Variants in ARHGAP26 observed in about 807,000 individuals in gnomAD.
ARHGAP26 encodes the protein Rho GTPase activating protein 26, also known as rho GTPase-activating protein 26.
ARHGAP26 carries 38 observed loss-of-function variants against 104.8 expected under a neutral mutation model. The ratio of observed to expected loss-of-function variants is 0.36; its 90% CI spans 0.28 to 0.48. The LOEUF is 0.48. ARHGAP26 is among the 20% of genes least tolerant of loss of function. The pLI is 0.99. For missense variants in ARHGAP26, 704 were observed against 947.9 expected (o/e 0.74, Z 3.38); for synonymous variants, 341 against 340.0 (o/e 1.00, Z -0.03).
intron 1 of ARHGAP26, among the ~76,000 whole-genome samples, chr5:142,813,370 A>G (rs774278084): frequency 6.6e-6 from 1 of 152,204 alleles, no homozygotes; most frequent in Non-Finnish European, 1.5e-5. Context: ...GTGGCCTGAT[A>G]GGACTTTTGT....
At chr5:143,136,209 G>A (rs963620618) in intron 19 of ARHGAP26, among the ~76,000 whole-genome samples, 36 of 152,322 alleles carry the variant, frequency 2.4e-4, no homozygotes, top group African/African-American at 7.9e-4. Flanking sequence ...GAGATCAGGA[G>A]AAAATCAGCT....
intron 13 of ARHGAP26, among the ~76,000 whole-genome samples, chr5:143,040,454 T>A (rs246667): frequency 0.22 from 33,046 of 152,110 alleles, 6,520 homozygotes; most frequent in African/African-American, 0.52. Context: ...TGGAGTATAA[T>A]CTCGTGTTTT....
intron 1 of ARHGAP26, among the ~76,000 whole-genome samples, chr5:142,826,625 C>T (rs1409194139): frequency 2.6e-5 from 4 of 152,170 alleles, no homozygotes; most frequent in South Asian, 4.1e-4. Context: ...ACCATGTTCT[C>T]TCTCACAGGA....
At chr5:142,828,202 T>C (rs60139914) in intron 1 of ARHGAP26, among the ~76,000 whole-genome samples, 4,140 of 152,324 alleles carry the variant, frequency 0.027, 120 homozygotes, top group East Asian at 0.12. Context: ...ACTCAGGGGA[T>C]GAAGTATCTG....
chr5:142,977,606 C>T (rs909242948), intron 11 of ARHGAP26, among the ~76,000 whole-genome samples: 5 of 152,068 alleles, frequency 3.3e-5, no homozygotes, highest in African/African-American at 1.2e-4. Context: ...TCAGCAGTTT[C>T]CTGGGTGAGG....
chr5:142,967,003 A>G (rs1249570605), intron 11 of ARHGAP26, among the ~76,000 whole-genome samples: 1 of 152,200 alleles, frequency 6.6e-6, no homozygotes, highest in Non-Finnish European at 1.5e-5. Context: ...TATATAGTGC[A>G]TATTGTACAT....
chr5:143,069,225 A>G (rs1233683569), intron 17 of ARHGAP26, among the ~76,000 whole-genome samples: 2 of 152,100 alleles, frequency 1.3e-5, no homozygotes, highest in South Asian at 2.1e-4. Context: ...AATATACTAT[A>G]TATTTGATTT....
intron 17 of ARHGAP26, among the ~76,000 whole-genome samples, chr5:143,071,446 C>T (rs948855614): frequency 2.6e-5 from 4 of 152,166 alleles, no homozygotes; most frequent in Admixed American, 2.0e-4. Context: ...GAAGGTAGAC[C>T]ACCACCTCTC....
chr5:142,922,795 A>G (rs3797081), intron 10 of ARHGAP26, among the ~76,000 whole-genome samples: 18,053 of 151,780 alleles, frequency 0.12, 2,062 homozygotes, highest in African/African-American at 0.29. Flanking sequence ...ACATGAATCC[A>G]TTTTTCCTGG....
intron 9 of ARHGAP26, among the ~76,000 whole-genome samples, chr5:142,909,282 T>C (rs2152472485): frequency 6.6e-6 from 1 of 152,372 alleles, no homozygotes; most frequent in African/African-American, 2.4e-5. Context: ...GTGTCTAACC[T>C]GTCGATAAAC....
chr5:142,930,212 A>C (rs1764511518), intron 10 of ARHGAP26, among the ~76,000 whole-genome samples: 1 of 152,198 alleles, frequency 6.6e-6, no homozygotes, highest in Non-Finnish European at 1.5e-5. Context: ...TTTCAAAGCT[A>C]TTAAGACGTC....
rs57707307 is a variant in ARHGAP26 at position 143,032,304 on chromosome 5, C to T, written c.1145-4892C>T. Among the ~76,000 whole-genome samples, 420 of 152,256 alleles carry T rather than the reference C, an allele frequency of 2.8e-3. 1 individual carries two copies. Among genetic ancestry groups the T allele is most frequent in the African/African-American group, 9.4e-3 (389 of 41,544 alleles). On this transcript the variant is annotated intron_variant, in intron 12 of 22. Transcript: ENST00000645722. ...GGCTGAGGGAGGGAAGTAAACCAGCCGAAGCCTCAACTGCAGGATGGTGGA... is the reference window on the plus strand; with the variant it reads ...GGCTGAGGGAGGGAAGTAAACCAGCTGAAGCCTCAACTGCAGGATGGTGGA...
intron 4 of ARHGAP26, 59 bp downstream of exon 4, chr5:142,879,504 A>T: frequency 7.0e-7 from 1 of 1,428,604 alleles, no homozygotes; most frequent in Non-Finnish European, 9.6e-7. Context: ...AAAACATAGC[A>T]CCTTTCTTTA....
chr5:142,795,058 A>T (rs549036716), intron 1 of ARHGAP26, among the ~76,000 whole-genome samples: 46 of 151,840 alleles, frequency 3.0e-4, no homozygotes, highest in Middle Eastern at 3.4e-3. Flanking sequence ...CTTTTTTTTT[A>T]AAAAAATTTA....
chr5:142,911,806 A>C (rs1156875591), intron 9 of ARHGAP26, among the ~76,000 whole-genome samples: 1 of 152,230 alleles, frequency 6.6e-6, no homozygotes, highest in Admixed American at 6.5e-5. Flanking sequence ...CAAAGTCAGA[A>C]TCTCTTATGT....
chr5:142,904,824 A>T lies in ARHGAP26; in HGVS notation c.832+1155A>T, dbSNP rs565592122. Among the ~76,000 whole-genome samples the T allele has an allele frequency of 4.6e-5, 7 of 152,280 alleles. No homozygotes were observed. In the South Asian group the frequency reaches 1.5e-3, roughly 32 times the overall value. On this transcript the variant is annotated intron_variant, in intron 8 of 22. Coordinates refer to ENST00000645722, the MANE Select transcript of ARHGAP26 (RefSeq NM_001135608.3). The stretch of plus-strand genomic sequence containing the variant: ...ATTTTTGCAGGTTTTGTGTTCTTTC[A>T]TGTCCTGCTCTTCATGTAGAGTTAG...
At position 143,147,321 on chromosome 5, in the gene ARHGAP26, C is replaced by T. The variant is rs749708150; in HGVS notation, c.1928C>T (p.Pro643Leu). The T allele has an allele frequency of 1.2e-6, 2 of 1,614,038 alleles. No individual in the cohort carries two copies. The highest frequency in any genetic ancestry group is 1.7e-6 in the Non-Finnish European group (2 of 1,179,978). The part of the protein sequence containing the change: ...SILNSSSSLQ[P>L]NMNSSDPDLA... ...CTTAATTCCAGCAGCAGCTTACAGC[C>T]CAACATGAACTCCAGTGACCCAGAC... The change falls in exon 20 of 23, where the codon CCC becomes CTC. Residue 643 changes from proline (P) to leucine (L), a missense_variant. Physicochemically the swap from Pro to Leu is moderately conservative, Grantham distance 98 (BLOSUM62 -3). This residue lies in a region of ARHGAP26 where 217 missense variants were observed against 242.6 expected (regional missense o/e 0.89). Coordinates refer to ENST00000645722, the MANE Select transcript of ARHGAP26 (RefSeq NM_001135608.3).
chr5:143,112,819 T>C (rs1329063131), intron 17 of ARHGAP26, among the ~76,000 whole-genome samples: 1 of 152,270 alleles, frequency 6.6e-6, no homozygotes, highest in Non-Finnish European at 1.5e-5. Context: ...AATAATACTA[T>C]ATTGTTTGTA....
At chr5:142,809,457 G>A (rs964536715) in intron 1 of ARHGAP26, among the ~76,000 whole-genome samples, 53 of 152,282 alleles carry the variant, frequency 3.5e-4, no homozygotes, top group African/African-American at 1.3e-3. Context: ...TAGCAATCAA[G>A]ACAGAAGTTG....
Sources: gnomAD v4.1 joint callset for allele counts (sites outside exome capture counted in the v4.1 genomes callset) on GRCh38, gnomAD v4.1.1 for gene constraint, gnomAD v4.1.1 regional missense constraint, MANE v1.5 for transcripts, NCBI Gene and HGNC (gene_info 2026-07-23, HGNC 2026-07-21) for gene names.